Variants in ACSF3 observed in about 807,000 individuals in gnomAD.
ACSF3 encodes the protein malonate--CoA ligase ACSF3, mitochondrial.
ACSF3 carries 78 observed loss-of-function variants against 53.2 expected under a neutral mutation model. The observed-to-expected ratio is 1.47, with a 90% CI of 1.22 to 1.77. ACSF3 has a LOEUF of 1.77. Among genes scored for constraint, ACSF3 ranks in the 40% most tolerant of loss-of-function variants. The probability of loss-of-function intolerance (pLI) is 0.00; values close to 1 mark genes in which losing one functional copy is unlikely to be tolerated. For missense variants in ACSF3, 937 were observed against 771.1 expected (o/e 1.22, Z -2.55); for synonymous variants, 414 against 333.1 (o/e 1.24, Z -2.65).
chr16:89,131,789 A>C (rs544324263), intron 7 of ACSF3, among the ~76,000 whole-genome samples: 1 of 152,414 alleles, frequency 6.6e-6, no homozygotes, highest in East Asian at 1.9e-4. Context: ...AAAGGACAGC[A>C]GTGGAAAAAT....
chr16:89,153,494 C>G (rs1914361122), intron 10 of ACSF3: 1 of 156,788 alleles, frequency 6.4e-6, no homozygotes, highest in African/African-American at 2.4e-5. Context: ...AGTTCTCGCC[C>G]ATGAGGAAGG....
chr16:89,142,840 C>A (rs767961224), intron 8 of ACSF3, among the ~76,000 whole-genome samples: 2 of 152,258 alleles, frequency 1.3e-5, no homozygotes, highest in Non-Finnish European at 2.9e-5. Flanking sequence ...CGGGGTCTCG[C>A]AGTGGGCGGA....
chr16:89,155,488 CCTGTTTTCCAGGA>C lies in ACSF3; in HGVS notation c.*1285_*1297del. On this transcript the variant is annotated 3_prime_UTR_variant, in exon 11 of 11. Transcript: ENST00000614302. ...TGAGGCCACAGAGCAGCGTCCCAGC[CCTGTTTTCCAGGA>C]CTGGTGGGTGCCCCAGTCCACGGCC... 1 of 454,156 alleles carries C rather than the reference CCTGTTTTCCAGGA, an allele frequency of 2.2e-6. No homozygotes were observed. The highest frequency in any genetic ancestry group is 4.4e-6 in the Non-Finnish European group (1 of 226,802). The allele number at this position is 454,156 out of a possible 1,614,324, so 28.1% of individuals were successfully genotyped here.
chr16:89,104,808 C>G (rs933333511), intron 4 of ACSF3, among the ~76,000 whole-genome samples: 7 of 152,244 alleles, frequency 4.6e-5, no homozygotes, highest in African/African-American at 1.7e-4. Flanking sequence ...CTTCTCTAGC[C>G]TCCACTGGAG....
intron 7 of ACSF3, among the ~76,000 whole-genome samples, chr16:89,131,132 T>C (rs1264032717): frequency 0.012 from 1,456 of 124,950 alleles, 7 homozygotes; most frequent in East Asian, 0.065. Flanking sequence ...TTTTTCTTTT[T>C]TTTTTTTTTT....
intron 1 of ACSF3, among the ~76,000 whole-genome samples, chr16:89,098,006 G>A (rs1426917801): frequency 6.6e-6 from 1 of 151,880 alleles, no homozygotes; most frequent in African/African-American, 2.4e-5. Context: ...CCTGGGAGGC[G>A]GAGCTTGCAG....
intron 4 of ACSF3, among the ~76,000 whole-genome samples, chr16:89,108,053 C>T (rs1976227045): frequency 6.6e-6 from 1 of 152,136 alleles, no homozygotes; most frequent in Non-Finnish European, 1.5e-5. Context: ...GAAGCAAAAG[C>T]GGAAACCCTT....
intron 6 of ACSF3, among the ~76,000 whole-genome samples, chr16:89,116,096 T>C (rs1905073722): frequency 2.0e-5 from 3 of 152,248 alleles, no homozygotes; most frequent in South Asian, 2.1e-4. Context: ...TTTGGGACCA[T>C]GATCCATTTT....
chr16:89,100,611 G>A (rs541228443), intron 2 of ACSF3, 51 bp from the exon 3 acceptor site: 129 of 1,530,372 alleles, frequency 8.4e-5, no homozygotes, highest in South Asian at 2.9e-4. Flanking sequence ...TCTTGGCCAC[G>A]TTTGGATGGG....
chr16:89,100,074 G>A (rs1451323396), intron 2 of ACSF3, among the ~76,000 whole-genome samples: 2 of 151,984 alleles, frequency 1.3e-5, no homozygotes. Context: ...CCAGGAAGTC[G>A]AGGCTGCAGT....
At chr16:89,135,661 C>T (rs1160066966) in intron 8 of ACSF3, among the ~76,000 whole-genome samples, 1 of 152,258 alleles carries the variant, frequency 6.6e-6, no homozygotes, top group African/African-American at 2.4e-5. Context: ...CATGACTTCC[C>T]TTCAAATGCA....
intron 7 of ACSF3, among the ~76,000 whole-genome samples, chr16:89,130,254 A>G (rs1157853471): frequency 1.3e-5 from 2 of 152,172 alleles, no homozygotes; most frequent in Admixed American, 6.5e-5. Flanking sequence ...TGGGTTGACA[A>G]CTATTTTCTT....
At chr16:89,146,457 C>T (rs1328364410) in intron 10 of ACSF3, among the ~76,000 whole-genome samples, 1 of 152,198 alleles carries the variant, frequency 6.6e-6, no homozygotes, top group African/African-American at 2.4e-5. Flanking sequence ...CCACAGGCAG[C>T]CTGTCCACCT....
chr16:89,142,579 A>G (rs1317833073), intron 8 of ACSF3, among the ~76,000 whole-genome samples: 1 of 147,878 alleles, frequency 6.8e-6, no homozygotes, highest in Non-Finnish European at 1.5e-5. Flanking sequence ...ACACACCCAC[A>G]CCTGCAGAGA....
intron 6 of ACSF3, among the ~76,000 whole-genome samples, chr16:89,118,458 A>C (rs1206221870): frequency 1.3e-5 from 2 of 152,226 alleles, no homozygotes; most frequent in African/African-American, 2.4e-5. Flanking sequence ...CTCAGGCTCT[A>C]ACCCCCACCC....
intron 8 of ACSF3, among the ~76,000 whole-genome samples, chr16:89,136,138 C>T (rs1466628980): frequency 6.6e-6 from 1 of 152,234 alleles, no homozygotes; most frequent in Admixed American, 6.5e-5. Flanking sequence ...AGCACAGGAA[C>T]CACAGCCCTG....
rs1239148333 is a variant in ACSF3 at position 89,154,266 on chromosome 16, G to T, written c.*59G>T. 1.3e-6 allele frequency: 2 copies of T among 1,525,396 alleles called. No individual in the cohort carries two copies. Among genetic ancestry groups the T allele is most frequent in the Middle Eastern group, 1.7e-4 (1 of 5,906 alleles). 94.5% of individuals were successfully genotyped at this position (1,525,396 alleles called of 1,614,324 possible). On this transcript the variant is annotated 3_prime_UTR_variant, in exon 11 of 11. Coordinates refer to ENST00000614302, the MANE Select transcript of ACSF3 (RefSeq NM_001243279.3). ...GCAGCAGACGTCCCCTTCACACCGA[G>T]AACCACGGGGGCCCGTCCAAGACCT...
At chr16:89,150,942 C>T (rs1363822423) in intron 10 of ACSF3, 39 of 1,248,322 alleles carry the variant, frequency 3.1e-5, no homozygotes, top group Non-Finnish European at 4.1e-5. Context: ...AATGTTCCAA[C>T]TGTCTAATGG....
intron 10 of ACSF3, among the ~76,000 whole-genome samples, chr16:89,146,275 G>A (rs1912940530): frequency 6.6e-6 from 1 of 152,166 alleles, no homozygotes; most frequent in South Asian, 2.1e-4. Context: ...TATTCCGAGG[G>A]GGCAGAAACT....
Sources: gnomAD v4.1 joint callset for allele counts (sites outside exome capture counted in the v4.1 genomes callset) on GRCh38, gnomAD v4.1.1 for gene constraint, MANE v1.5 for transcripts, NCBI Gene and HGNC (gene_info 2026-07-23, HGNC 2026-07-21) for gene names.